WIF1: variants seen among roughly 807,000 people sequenced by gnomAD.
WIF1 encodes the protein Wnt inhibitory factor 1.
Under a neutral mutation model 53.5 loss-of-function variants are expected in WIF1, and 35 were observed. The ratio of observed to expected loss-of-function variants is 0.65; its 90% CI spans 0.50 to 0.87. WIF1 has a LOEUF of 0.87. Among genes scored for constraint, WIF1 ranks in the 40% least tolerant of loss-of-function variants. The pLI is 0.00. For synonymous variants in WIF1, 171 were observed against 170.4 expected (o/e 1.00, Z -0.03); for missense variants, 467 against 476.8 (o/e 0.98, Z 0.19).
intron 2 of WIF1, among the ~76,000 whole-genome samples, chr12:65,085,875 A>G (rs1052185765): frequency 1.3e-5 from 2 of 152,194 alleles, no homozygotes; most frequent in Non-Finnish European, 2.9e-5. Flanking sequence ...TGAAATTTCT[A>G]AGACATTTTC....
chr12:65,056,455 C>T (rs903384676), intron 7 of WIF1, among the ~76,000 whole-genome samples: 3 of 130,014 alleles, frequency 2.3e-5, no homozygotes, highest in African/African-American at 5.5e-5. Context: ...GATCTCCCGA[C>T]CTCAAGTGAT....
intron 2 of WIF1, among the ~76,000 whole-genome samples, chr12:65,110,041 A>G (rs1017152761): frequency 6.6e-6 from 1 of 152,242 alleles, no homozygotes; most frequent in Admixed American, 6.5e-5. Flanking sequence ...GTATAAAGAT[A>G]TTACCATTAA....
At chr12:65,116,691 T>G (rs1883515803) in intron 2 of WIF1, among the ~76,000 whole-genome samples, 1 of 151,374 alleles carries the variant, frequency 6.6e-6, no homozygotes, top group Non-Finnish European at 1.5e-5. Context: ...TCCCAGCACT[T>G]TGGGAGGCTG....
intron 7 of WIF1, among the ~76,000 whole-genome samples, chr12:65,061,080 G>T (rs1882604545): frequency 6.6e-6 from 1 of 152,096 alleles, no homozygotes; most frequent in Non-Finnish European, 1.5e-5. Flanking sequence ...AAATTGAGGG[G>T]AGTTAGTTCA....
At chr12:65,104,476 C>T (rs1216245028) in intron 2 of WIF1, among the ~76,000 whole-genome samples, 4 of 152,196 alleles carry the variant, frequency 2.6e-5, no homozygotes, top group African/African-American at 9.6e-5. Flanking sequence ...AGTCAGACTA[C>T]CTGAGTGTAC....
intron 2 of WIF1, among the ~76,000 whole-genome samples, chr12:65,108,040 G>T (rs1020538802): frequency 1.3e-5 from 2 of 152,086 alleles, no homozygotes; most frequent in Admixed American, 6.5e-5. Context: ...AGAACACCAG[G>T]AACCCTATGC....
At position 65,067,705 on chromosome 12, in the gene WIF1, G is replaced by A. The variant is rs762822872; in HGVS notation, c.624C>T (p.His208=). 1.2e-6 allele frequency: 2 copies of A among 1,613,058 alleles called. No individual in the cohort carries two copies. The highest frequency in any genetic ancestry group is 2.7e-5 in the African/African-American group (2 of 74,874). The change falls in exon 5 of 10, where the codon CAC becomes CAT. Residue 208 remains histidine (H), a synonymous_variant. Transcript: ENST00000286574. ...GGCTCCATGTCTTACCTTTCTCACA[G>A]TGAGGTCCGTGGAACCCATCAGGAC... ...CECPDGFHGP[H]CEKALCTPRC...
chr12:65,120,934 T>C, intron 1 of WIF1, 110 bp downstream of exon 1: 1 of 1,312,516 alleles, frequency 7.6e-7, no homozygotes, highest in Non-Finnish European at 9.9e-7. Flanking sequence ...GGGAACACTC[T>C]TTTGTGGAAA....
Position 65,051,289 on chromosome 12 carries a change from A to G in WIF1, c.*60T>C. ...TGAACATTATTTGAACATTCAACAC[A>G]TGAAAGGTTAACAAAGGCTATGAAC... On this transcript the variant is annotated 3_prime_UTR_variant, in exon 10 of 10. Transcript: ENST00000286574. 9 of 1,564,146 alleles carry G rather than the reference A, an allele frequency of 5.8e-6. No homozygotes were observed. The highest frequency in any genetic ancestry group is 2.4e-5 in the South Asian group (2 of 82,886).
At chr12:65,114,427 T>G (rs964859349) in intron 2 of WIF1, among the ~76,000 whole-genome samples, 5 of 152,198 alleles carry the variant, frequency 3.3e-5, no homozygotes, top group African/African-American at 1.2e-4. Flanking sequence ...TTTTTTCCAG[T>G]GGTACTTTTC....
At chr12:65,075,142 A>G (rs1882842527) in intron 3 of WIF1, among the ~76,000 whole-genome samples, 2 of 152,224 alleles carry the variant, frequency 1.3e-5, no homozygotes, top group South Asian at 2.1e-4. Context: ...TGTGATGATC[A>G]AAGAGAAACT....
At chr12:65,067,589 C>G in intron 5 of WIF1, 106 bp downstream of exon 5, 1 of 1,210,128 alleles carries the variant, frequency 8.3e-7, no homozygotes, top group Non-Finnish European at 1.2e-6. Flanking sequence ...CCCCTGTGAC[C>G]AGGAAAATAA....
At position 65,057,328 on chromosome 12, in the gene WIF1, A is replaced by G. The variant is rs551823045; in HGVS notation, c.827-1202T>C. ...GGTAATTTCTTTTATCTCTTTGCCC[A>G]ATGAGTATTACGAATGCTTTTCACA... On this transcript the variant is annotated intron_variant, in intron 7 of 9. Transcript: ENST00000286574. Among the ~76,000 whole-genome samples, 3 of 152,308 alleles carry G rather than the reference A, an allele frequency of 2.0e-5. No individual in the cohort carries two copies. In the South Asian group the frequency reaches 6.2e-4, roughly 32 times the overall value.
chr12:65,091,183 T>C (rs1266031326), intron 2 of WIF1, among the ~76,000 whole-genome samples: 1 of 151,956 alleles, frequency 6.6e-6, no homozygotes, highest in Non-Finnish European at 1.5e-5. Flanking sequence ...ATGTAATCAG[T>C]AAAATCCAGA....
chr12:65,078,505 A>G (rs762845978), intron 2 of WIF1, among the ~76,000 whole-genome samples: 3 of 152,212 alleles, frequency 2.0e-5, no homozygotes, highest in Non-Finnish European at 2.9e-5. Context: ...TATTTTAATC[A>G]TTCTTTAATA....
At chr12:65,120,953 T>G in intron 1 of WIF1, 91 bp downstream of exon 1, 1 of 1,350,042 alleles carries the variant, frequency 7.4e-7, no homozygotes, top group Non-Finnish European at 9.6e-7. Context: ...AATTAAGTTT[T>G]AAAACACAAG....
chr12:65,071,128 G>A (rs1882765809), intron 3 of WIF1, among the ~76,000 whole-genome samples: 1 of 151,390 alleles, frequency 6.6e-6, no homozygotes, highest in South Asian at 2.1e-4. Flanking sequence ...CAGCTACCTG[G>A]GAGGCTGAGG....
At chr12:65,116,410 C>A (rs1271020317) in intron 2 of WIF1, among the ~76,000 whole-genome samples, 1 of 151,902 alleles carries the variant, frequency 6.6e-6, no homozygotes, top group Admixed American at 6.6e-5. Flanking sequence ...CTAGGTTATG[C>A]ACCTTTTATG....
intron 1 of WIF1, 104 bp from the exon 2 acceptor site, chr12:65,120,660 C>CTG (rs1170905959): frequency 1.5e-6 from 2 of 1,355,452 alleles, no homozygotes; most frequent in Non-Finnish European, 1.0e-6. Context: ...TGGGTCATTT[C>CTG]TGTTCACAAG....
Sources: gnomAD v4.1 joint callset for allele counts (sites outside exome capture counted in the v4.1 genomes callset) on GRCh38, gnomAD v4.1.1 for gene constraint, MANE v1.5 for transcripts, NCBI Gene and HGNC (gene_info 2026-07-23, HGNC 2026-07-21) for gene names.